The following ZNF131 variants were observed in gnomAD, a reference collection of about 807,000 sequenced individuals.
ZNF131 encodes zinc finger protein 131.
A neutral mutation model predicts 60.0 loss-of-function variants in ZNF131; 7 were observed. The observed-to-expected ratio is 0.12, with a 90% CI of 0.07 to 0.22. The LOEUF (loss-of-function observed/expected upper bound fraction) is 0.22, where lower values mean the gene tolerates loss of function less well. Among genes scored for constraint, ZNF131 ranks in the 10% least tolerant of loss-of-function variants. The pLI is 1.00. For missense variants in ZNF131, 493 were observed against 740.9 expected, an observed-to-expected ratio of 0.67 and a Z score of 3.88; for synonymous variants, 257 against 253.2, an observed-to-expected ratio of 1.01 and a Z score of -0.14.
chr5:43,165,522 G>T (rs770784736), intron 5 of ZNF131, among the ~76,000 whole-genome samples: 9 of 152,150 alleles, frequency 5.9e-5, no homozygotes, highest in Non-Finnish European at 1.3e-4. Context: ...CAGCTGCATT[G>T]TCAGTGAGCA....
At chr5:43,172,972 T>C (rs1190328986) in intron 5 of ZNF131, among the ~76,000 whole-genome samples, 2 of 152,198 alleles carry the variant, frequency 1.3e-5, no homozygotes, top group Non-Finnish European at 2.9e-5. Context: ...GTGCAAAAAA[T>C]GCAGAAAGGA....
At chr5:43,153,881 C>T (rs1229941301) in intron 4 of ZNF131, among the ~76,000 whole-genome samples, 7 of 152,122 alleles carry the variant, frequency 4.6e-5, no homozygotes, top group Admixed American at 3.3e-4. Context: ...AGAAAGCTGT[C>T]GCCATACTCA....
intron 4 of ZNF131, among the ~76,000 whole-genome samples, chr5:43,150,293 C>A (rs12110174): frequency 0.18 from 27,551 of 152,226 alleles, 2,932 homozygotes; most frequent in Middle Eastern, 0.34. Flanking sequence ...TTCCAAAGTC[C>A]TTTGCTGTAC....
chr5:43,130,264 C>CAAAAAAAAAAAAAAAAAAAAAAAA (rs570313526), intron 3 of ZNF131, among the ~76,000 whole-genome samples: 1 of 68,390 alleles, frequency 1.5e-5, no homozygotes, highest in Non-Finnish European at 2.7e-5. Context: ...ACTCTGTCTC[C>CAAAAAAAAAAAAAAAAAAAAAAAA]AAAAAAAAAA....
intron 5 of ZNF131, among the ~76,000 whole-genome samples, chr5:43,172,894 T>TGCAAAAAAG (rs1751179745): frequency 6.6e-6 from 1 of 152,208 alleles, no homozygotes. Flanking sequence ...ATAGGAAGTT[T>TGCAAAAAAG]TTTGCAAAGA....
Position 43,122,025 on chromosome 5 carries a change from CTCT to C in ZNF131, c.-15-9_-15-7del, listed in dbSNP as rs775870112. 1.7e-5 allele frequency: 27 copies of C among 1,612,546 alleles called. No individual in the cohort carries two copies. In the East Asian group the frequency reaches 2.5e-4, roughly 15 times the overall value. On this transcript the variant is annotated splice_polypyrimidine_tract_variant and intron_variant, in intron 1 of 6. Coordinates refer to ENST00000682664, the MANE Select transcript of ZNF131 (RefSeq NM_001330707.2). ...GAGCTCATGGGTGTACATTATCATG[CTCT>C]TCTTTTGTAGAGCAGCCCGACGGCC...
chr5:43,149,397 G>A (rs10075647), intron 4 of ZNF131, among the ~76,000 whole-genome samples: 99,473 of 152,200 alleles, frequency 0.65, 33,105 homozygotes, highest in East Asian at 0.83. Flanking sequence ...TTTTCCTGCT[G>A]AGTATTCCAT....
chr5:43,143,319 C>G, intron 4 of ZNF131: 1 of 1,231,272 alleles, frequency 8.1e-7, no homozygotes. Context: ...CTGCGCCCGG[C>G]CTCAAGCTTT....
chr5:43,167,957 T>G (rs748826164), intron 5 of ZNF131: 93 of 453,734 alleles, frequency 2.0e-4, no homozygotes, highest in Non-Finnish European at 3.9e-4. Context: ...TTCACTGTTA[T>G]GAGGCCACAT....
chr5:43,134,441 C>G (rs746461785), intron 3 of ZNF131, among the ~76,000 whole-genome samples: 1 of 152,058 alleles, frequency 6.6e-6, no homozygotes, highest in African/African-American at 2.4e-5. Flanking sequence ...TCTCTAAGAT[C>G]AAGGAACAAG....
intron 3 of ZNF131, among the ~76,000 whole-genome samples, chr5:43,130,844 G>C (rs1745250766): frequency 6.6e-6 from 1 of 151,318 alleles, no homozygotes; most frequent in Non-Finnish European, 1.5e-5. Context: ...GGGATTACAG[G>C]CATGAGCCAC....
chr5:43,125,532 G>T (rs941107948), intron 3 of ZNF131, among the ~76,000 whole-genome samples: 4 of 151,570 alleles, frequency 2.6e-5, no homozygotes, highest in African/African-American at 9.7e-5. Flanking sequence ...TGTAATCCCA[G>T]CACTTTGGGA....
At chr5:43,135,060 G>T (rs1263863016) in intron 3 of ZNF131, among the ~76,000 whole-genome samples, 1 of 147,836 alleles carries the variant, frequency 6.8e-6, no homozygotes. Context: ...GTGCAATGGC[G>T]CAATCTCGGC....
At chr5:43,149,548 A>ATACCTCT (rs1293551585) in intron 4 of ZNF131, among the ~76,000 whole-genome samples, 1 of 152,186 alleles carries the variant, frequency 6.6e-6, no homozygotes, top group Non-Finnish European at 1.5e-5. Flanking sequence ...TTCTTGGTAG[A>ATACCTCT]TACCTCTTAG....
At chr5:43,162,884 A>G (rs1749884008) in intron 5 of ZNF131, among the ~76,000 whole-genome samples, 1 of 144,232 alleles carries the variant, frequency 6.9e-6, no homozygotes, top group Non-Finnish European at 1.5e-5. Context: ...CAGCCTGGGC[A>G]ACAAGGGCAA....
intron 5 of ZNF131, among the ~76,000 whole-genome samples, chr5:43,170,218 C>G (rs936379040): frequency 1.3e-5 from 2 of 152,282 alleles, no homozygotes; most frequent in South Asian, 2.1e-4. Context: ...AAAAGAGTTT[C>G]TGTATTACAC....
chr5:43,133,470 A>G (rs1229520176), intron 3 of ZNF131, among the ~76,000 whole-genome samples: 2 of 152,170 alleles, frequency 1.3e-5, no homozygotes, highest in African/African-American at 4.8e-5. Context: ...CATCTCAAAA[A>G]AAGAAAGAAA....
chr5:43,154,616 TA>T (rs943889319), intron 4 of ZNF131, among the ~76,000 whole-genome samples: 4 of 83,928 alleles, frequency 4.8e-5, no homozygotes, highest in African/African-American at 1.4e-4. Flanking sequence ...GACTTCTGCC[TA>T]AGAAACAGGG....
At chr5:43,172,628 A>C (rs1028958868) in intron 5 of ZNF131, among the ~76,000 whole-genome samples, 21 of 152,176 alleles carry the variant, frequency 1.4e-4, no homozygotes, top group Admixed American at 9.2e-4. Flanking sequence ...AAAAAAAAAA[A>C]AAAACCCTAA....
Sources: allele counts gnomAD v4.1 joint callset (sites outside exome capture counted in the v4.1 genomes callset), GRCh38; gene constraint gnomAD v4.1.1; transcripts MANE v1.5; gene names NCBI Gene and HGNC (gene_info 2026-07-23, HGNC 2026-07-21).